Variants in LRMDA observed in about 807,000 individuals in gnomAD.
LRMDA encodes leucine rich melanocyte differentiation associated.
In LRMDA, 18 loss-of-function variants were observed where a neutral mutation model predicts 29.8. That is an observed-to-expected ratio of 0.60 (90% CI 0.42 to 0.90). LRMDA has a LOEUF of 0.90. Ranked by LOEUF, LRMDA falls within the 40% of genes least tolerant of loss-of-function variation. The pLI is 0.00. For synonymous variants in LRMDA, 125 were observed against 109.4 expected (o/e 1.14, Z -0.89); for missense variants, 273 against 273.9 (o/e 1.00, Z 0.02).
At chr10:76,358,079 C>A (rs1841264605) in intron 6 of LRMDA, among the ~76,000 whole-genome samples, 1 of 152,262 alleles carries the variant, frequency 6.6e-6, no homozygotes, top group African/African-American at 2.4e-5. Context: ...CCACCCTCAC[C>A]TCAGGGGCTG....
intron 2 of LRMDA, among the ~76,000 whole-genome samples, chr10:75,561,445 C>T (rs540725056): frequency 9.2e-5 from 14 of 151,916 alleles, no homozygotes; most frequent in South Asian, 2.1e-4. Context: ...GTCTTGCTAG[C>T]GGTCTGTCAA....
At chr10:76,426,024 C>T (rs1842122147) in intron 6 of LRMDA, among the ~76,000 whole-genome samples, 2 of 152,096 alleles carry the variant, frequency 1.3e-5, no homozygotes, top group Admixed American at 1.3e-4. Context: ...GGGTTGGTTC[C>T]AAGTCTTTGC....
intron 6 of LRMDA, among the ~76,000 whole-genome samples, chr10:76,513,223 G>A (rs1436104290): frequency 6.6e-6 from 1 of 152,098 alleles, no homozygotes; most frequent in Non-Finnish European, 1.5e-5. Context: ...GACCATGAAG[G>A]TTTGCCAATT....
chr10:75,628,866 C>T (rs1841284741), intron 2 of LRMDA, among the ~76,000 whole-genome samples: 1 of 152,242 alleles, frequency 6.6e-6, no homozygotes, highest in Non-Finnish European at 1.5e-5. Context: ...GGCTGGGGCA[C>T]TTGCCTTTCA....
intron 6 of LRMDA, among the ~76,000 whole-genome samples, chr10:76,541,375 C>A (rs1450081261): frequency 6.6e-6 from 1 of 152,176 alleles, no homozygotes; most frequent in African/African-American, 2.4e-5. Context: ...GGGGCACATG[C>A]CTGTGATCCC....
At chr10:75,461,480 G>A (rs117092134) in intron 2 of LRMDA, among the ~76,000 whole-genome samples, 13 of 152,144 alleles carry the variant, frequency 8.5e-5, no homozygotes, top group Non-Finnish European at 1.8e-4. Context: ...AGACCTGCCT[G>A]CTTCTGCTGT....
chr10:75,931,423 C>T (rs539843860), intron 2 of LRMDA, among the ~76,000 whole-genome samples: 87 of 152,224 alleles, frequency 5.7e-4, no homozygotes, highest in African/African-American at 1.1e-3. Flanking sequence ...CCAGAATCTC[C>T]GTTACTTTAT....
At chr10:75,920,326 G>T (rs1407425785) in intron 2 of LRMDA, among the ~76,000 whole-genome samples, 1 of 152,134 alleles carries the variant, frequency 6.6e-6, no homozygotes, top group Non-Finnish European at 1.5e-5. Flanking sequence ...ATAGTAATGT[G>T]TAGTGCTTTT....
At chr10:76,254,661 C>T (rs1852558167) in intron 5 of LRMDA, among the ~76,000 whole-genome samples, 1 of 152,074 alleles carries the variant, frequency 6.6e-6, no homozygotes, top group Non-Finnish European at 1.5e-5. Flanking sequence ...ACTAAATGCA[C>T]TTCTGCCTGA....
chr10:76,457,019 G>A (rs1163903100), intron 6 of LRMDA, among the ~76,000 whole-genome samples: 2 of 151,958 alleles, frequency 1.3e-5, no homozygotes, highest in African/African-American at 2.4e-5. Flanking sequence ...GAACATTTTC[G>A]GCAGTTCCAT....
At chr10:75,565,006 C>T (rs1564802181) in intron 2 of LRMDA, among the ~76,000 whole-genome samples, 1 of 152,026 alleles carries the variant, frequency 6.6e-6, no homozygotes, top group Non-Finnish European at 1.5e-5. Context: ...TTTTAATATC[C>T]CTTGGGTCCT....
intron 6 of LRMDA, among the ~76,000 whole-genome samples, chr10:76,329,770 T>C (rs1840881766): frequency 6.6e-6 from 1 of 152,210 alleles, no homozygotes; most frequent in Admixed American, 6.5e-5. Flanking sequence ...CAATTGATTT[T>C]TCTGTATATC....
chr10:75,911,342 G>A lies in LRMDA; in HGVS notation c.132-124666G>A, dbSNP rs146280375. Among the ~76,000 whole-genome samples, 407 of 152,236 alleles carry A rather than the reference G, an allele frequency of 2.7e-3. 1 individual carries two copies. The highest frequency in any genetic ancestry group is 9.1e-3 in the African/African-American group (376 of 41,526). The stretch of plus-strand genomic sequence containing the variant: ...AGAAAGCTGGGAGGTGGCATGGGGG[G>A]AGCACAGAAGATCCCCTAATGTATT... On this transcript the variant is annotated intron_variant, in intron 2 of 6. Transcript: ENST00000611255.
intron 5 of LRMDA, among the ~76,000 whole-genome samples, chr10:76,227,500 C>T (rs1851981826): frequency 6.6e-6 from 1 of 152,148 alleles, no homozygotes; most frequent in Non-Finnish European, 1.5e-5. Context: ...AAGTCTTTGA[C>T]AGACAGAGTA....
intron 2 of LRMDA, among the ~76,000 whole-genome samples, chr10:75,493,581 C>T (rs1478704775): frequency 6.6e-5 from 10 of 152,004 alleles, no homozygotes; most frequent in Admixed American, 6.5e-4. Flanking sequence ...GAAGATACCC[C>T]GTCATTCTCT....
chr10:76,513,824 G>C (rs1843032900), intron 6 of LRMDA, among the ~76,000 whole-genome samples: 1 of 152,192 alleles, frequency 6.6e-6, no homozygotes, highest in South Asian at 2.1e-4. Flanking sequence ...AGGCAGGTCA[G>C]GTATGTGTGA....
intron 2 of LRMDA, among the ~76,000 whole-genome samples, chr10:75,634,612 C>T (rs554984081): frequency 6.6e-6 from 1 of 152,236 alleles, no homozygotes; most frequent in South Asian, 2.1e-4. Flanking sequence ...ATCCCTGCCT[C>T]AGCTAATGCA....
intron 2 of LRMDA, among the ~76,000 whole-genome samples, chr10:75,498,894 G>A (rs1358469915): frequency 6.6e-6 from 1 of 152,036 alleles, no homozygotes; most frequent in Non-Finnish European, 1.5e-5. Flanking sequence ...AAGCCTAAAG[G>A]GGGAGTGAGT....
At chr10:76,242,214 C>A (rs1418246331) in intron 5 of LRMDA, 3 of 152,156 alleles carry the variant, frequency 2.0e-5, no homozygotes, top group Non-Finnish European at 4.4e-5. Context: ...AGTGTGGACA[C>A]CCAATCAGCA....
Sources: allele counts gnomAD v4.1 joint callset (sites outside exome capture counted in the v4.1 genomes callset), GRCh38; gene constraint gnomAD v4.1.1; transcripts MANE v1.5; gene names NCBI Gene and HGNC (gene_info 2026-07-23, HGNC 2026-07-21).